Variants in SHLD3 observed in about 807,000 individuals in gnomAD.
SHLD3 encodes the protein REV7-interacting novel NHEJ regulator 1.
A neutral mutation model predicts 21.4 loss-of-function variants in SHLD3; 15 were observed. That is an observed-to-expected ratio of 0.70 (90% CI 0.47 to 1.08). The LOEUF (loss-of-function observed/expected upper bound fraction) is 1.08. Ranked by LOEUF, SHLD3 falls within the 50% of genes least tolerant of loss-of-function variation. The probability of loss-of-function intolerance (pLI) is 0.00; values close to 1 mark genes in which losing one functional copy is unlikely to be tolerated. For missense variants in SHLD3, 273 were observed against 286.1 expected, an observed-to-expected ratio of 0.95 and a Z score of 0.33; for synonymous variants, 103 against 97.2, an observed-to-expected ratio of 1.06 and a Z score of -0.35.
intron 1 of SHLD3, among the ~76,000 whole-genome samples, chr5:65,625,689 A>G (rs1426391224): frequency 6.6e-6 from 1 of 152,154 alleles, no homozygotes; most frequent in East Asian, 1.9e-4. Context: ...TAATTAGATC[A>G]TTATTTAGGA....
intron 1 of SHLD3, chr5:65,625,386 G>A (rs1218502910): frequency 2.4e-5 from 10 of 415,518 alleles, no homozygotes; most frequent in African/African-American, 4.1e-5. Flanking sequence ...CGCTCCTACC[G>A]TGGAGATCTC....
At position 65,629,947 on chromosome 5, in the gene SHLD3, A is replaced by G. The variant is rs1241988666; in HGVS notation, c.360A>G (p.Gln120=). The change falls in exon 2 of 2, where the codon CAA becomes CAG. Residue 120 remains glutamine (Q), a synonymous_variant. Transcript: ENST00000510585. ...CTAATTCTGGAAATCTGGGTAAACA[A>G]TCAGAAAAGGGAAAACAGCACAAGA... is the stretch of plus-strand genomic sequence containing the variant. ...EQTNSGNLGK[Q]SEKGKQHKRR... is the part of the protein sequence containing the mutation. 6.5e-7 allele frequency: 1 copy of G among 1,536,084 alleles called. No individual in the cohort carries two copies. The highest frequency in any genetic ancestry group is 1.2e-5 in the South Asian group (1 of 84,062).
At chr5:65,628,754 A>AG (rs1755375321) in intron 1 of SHLD3, among the ~76,000 whole-genome samples, 1 of 151,932 alleles carries the variant, frequency 6.6e-6, no homozygotes, top group South Asian at 2.1e-4. Flanking sequence ...TACAGGCATG[A>AG]GCCACCGCAC....
At chr5:65,626,308 C>T (rs1755227473) in intron 1 of SHLD3, 1 of 152,206 alleles carries the variant, frequency 6.6e-6, no homozygotes, top group African/African-American at 2.4e-5. Context: ...GCCTCTCTTT[C>T]CAAGAGTCCG....
chr5:65,629,778 C>T lies in SHLD3; in HGVS notation c.191C>T (p.Ala64Val), dbSNP rs1380739643. 1.2e-5 allele frequency: 19 copies of T among 1,535,956 alleles called. No individual in the cohort carries two copies. Among genetic ancestry groups the T allele is most frequent in the Non-Finnish European group, 1.5e-5 (17 of 1,146,896 alleles). ...KRSPPVISEE[A>V]AEDVKQYLTI... ...TCACCACCTGTGATTTCTGAAGAGG[C>T]AGCTGAAGATGTGAAACAGTACTTA... is the stretch of plus-strand genomic sequence containing the variant. Residue 64 changes from alanine (A) to valine (V), a missense_variant, in exon 2 of 2, where the codon GCA (alanine) becomes GTA (valine). Transcript: ENST00000510585.
In SHLD3 at chr5:65,629,717, T is replaced by C. The variant is rs2150660831; in HGVS notation, c.130T>C (p.Tyr44His). The change falls in exon 2 of 2, where the codon TAT becomes CAT. Residue 44 changes from tyrosine (Y) to histidine (H), a missense_variant. Coordinates refer to ENST00000510585, the MANE Select transcript of SHLD3 (RefSeq NM_001365341.2). Reference protein sequence around the residue: ...PLSRFIPWFPYDGSKLPLRPK... With the variant: ...PLSRFIPWFPHDGSKLPLRPK... ...ATCAAGATTTATACCTTGGTTTCCA[T>C]ATGATGGGTCCAAGCTTCCACTCAG... is the stretch of plus-strand genomic sequence containing the variant. 1 of 1,536,112 alleles carries C rather than the reference T, an allele frequency of 6.5e-7. No individual in the cohort carries two copies. Among genetic ancestry groups the C allele is most frequent in the Middle Eastern group, 1.7e-4 (1 of 5,990 alleles).
At chr5:65,627,551 C>T (rs1392408526) in intron 1 of SHLD3, among the ~76,000 whole-genome samples, 1 of 151,704 alleles carries the variant, frequency 6.6e-6, no homozygotes, top group Non-Finnish European at 1.5e-5. Flanking sequence ...AATCACTTGA[C>T]CCTGGGAGGC....
intron 1 of SHLD3, among the ~76,000 whole-genome samples, chr5:65,628,586 C>T (rs930326946): frequency 6.6e-6 from 1 of 151,908 alleles, no homozygotes; most frequent in African/African-American, 2.4e-5. Flanking sequence ...ATTCTCCTCC[C>T]TCAGCCTCCT....
intron 1 of SHLD3, among the ~76,000 whole-genome samples, chr5:65,627,224 T>A (rs994984851): frequency 5.3e-5 from 8 of 150,182 alleles, no homozygotes; most frequent in Admixed American, 2.7e-4. Context: ...TTATTAAACC[T>A]CTTTAGTACC....
intron 1 of SHLD3, among the ~76,000 whole-genome samples, chr5:65,626,668 G>A (rs1755247386): frequency 6.6e-6 from 1 of 151,416 alleles, no homozygotes; most frequent in Admixed American, 6.6e-5. Context: ...CCCGGGAGGC[G>A]GAGCTTGCAG....
chr5:65,629,797 G>C lies in SHLD3; in HGVS notation c.210G>C (p.Gln70His). The change falls in exon 2 of 2, where the codon CAG becomes CAC. Residue 70 changes from glutamine (Q) to histidine (H), a missense_variant. By Grantham distance (24) the Gln-to-His change is conservative. Transcript: ENST00000510585. ...ISEEAAEDVK[Q>H]YLTISEHDAK... is the part of the protein sequence containing the mutation. ...AAGAGGCAGCTGAAGATGTGAAACA[G>C]TACTTAACCATTTCAGAACATGATG... is the stretch of plus-strand genomic sequence containing the variant. 1 of 1,536,094 alleles carries C rather than the reference G, an allele frequency of 6.5e-7. No individual in the cohort carries two copies. Among genetic ancestry groups the C allele is most frequent in the Non-Finnish European group, 8.7e-7 (1 of 1,146,884 alleles).
In SHLD3 at chr5:65,630,380, A is replaced by G; in HGVS notation, c.*40A>G. The G allele has an allele frequency of 4.2e-6, 6 of 1,440,754 alleles. No homozygotes were observed. Among genetic ancestry groups the G allele is most frequent in the Non-Finnish European group, 5.4e-6 (6 of 1,102,424 alleles). 89.2% of individuals were successfully genotyped at this position (1,440,754 alleles called of 1,614,324 possible). A position where few individuals can be genotyped will look rare whatever the true frequency, so the allele number is the denominator to read the frequency against. On this transcript the variant is annotated 3_prime_UTR_variant, in exon 2 of 2. Transcript: ENST00000510585. Reference sequence around the variant, plus strand: ...TGTCAAAAAGAATATTCTGAATGAAATGAATATGGATTGAAATAGATAAAA... The same window carrying G: ...TGTCAAAAAGAATATTCTGAATGAAGTGAATATGGATTGAAATAGATAAAA...
intron 1 of SHLD3, chr5:65,626,204 C>G (rs1190723540): frequency 6.6e-6 from 1 of 152,198 alleles, no homozygotes; most frequent in Non-Finnish European, 1.5e-5. Context: ...AATCTCACTT[C>G]AAGTATGTGG....
Sources: gnomAD v4.1 joint callset for allele counts (sites outside exome capture counted in the v4.1 genomes callset) on GRCh38, gnomAD v4.1.1 for gene constraint, MANE v1.5 for transcripts, NCBI Gene and HGNC (gene_info 2026-07-23, HGNC 2026-07-21) for gene names.